The following VWA8 variants were observed in gnomAD, a reference collection of about 807,000 sequenced individuals.
VWA8 encodes the protein von Willebrand factor A domain containing 8.
VWA8 carries 221 observed loss-of-function variants against 241.5 expected under a neutral mutation model. The ratio of observed to expected loss-of-function variants is 0.91; its 90% CI spans 0.82 to 1.02. VWA8 has a LOEUF of 1.02. Among genes scored for constraint, VWA8 ranks in the 50% least tolerant of loss-of-function variants. The pLI, the probability that VWA8 is intolerant of heterozygous loss-of-function variation, is 0.00. For synonymous variants in VWA8, 852 were observed against 827.1 expected (o/e 1.03, Z -0.52); for missense variants, 2,322 against 2,328.7 (o/e 1.00, Z 0.06).
In VWA8 at chr13:41,570,708, T is replaced by G. The variant is rs1593620420; in HGVS notation, c.5371-2A>C. The G allele has an allele frequency of 6.8e-6, 11 of 1,608,598 alleles. No homozygotes were observed. Among genetic ancestry groups the G allele is most frequent in the Non-Finnish European group, 9.4e-6 (11 of 1,175,676 alleles). On this transcript the variant is annotated splice_acceptor_variant, in intron 43 of 44. Coordinates refer to ENST00000379310, the MANE Select transcript of VWA8 (RefSeq NM_015058.2). LOFTEE classifies it high-confidence loss of function. ...GAACTGAGAGTGGGCATGCATTGTC[T>G]GGAGGTAAAAGAAGTTGCACAAAAG...
intron 4 of VWA8, among the ~76,000 whole-genome samples, chr13:41,900,639 T>A (rs1875381756): frequency 6.6e-6 from 1 of 152,066 alleles, no homozygotes; most frequent in East Asian, 1.9e-4. Flanking sequence ...AATTAGAATA[T>A]CCTCAAGGGG....
intron 29 of VWA8, among the ~76,000 whole-genome samples, chr13:41,695,106 C>T (rs1415177905): frequency 4.6e-5 from 7 of 152,000 alleles, no homozygotes. Flanking sequence ...CTTTGGCACT[C>T]CTTTAAGGGG....
Position 41,568,125 on chromosome 13 carries a change from T to C in VWA8, c.*72A>G. On this transcript the variant is annotated 3_prime_UTR_variant, in exon 45 of 45. Transcript: ENST00000379310. Reference sequence around the variant, plus strand: ...ATGGGTTCACTTCATCCATATCTTCTTTTTTTCAGAATACTCTTTATTCCT... The same window carrying C: ...ATGGGTTCACTTCATCCATATCTTCCTTTTTTCAGAATACTCTTTATTCCT... 1 of 1,350,402 alleles carries C rather than the reference T, an allele frequency of 7.4e-7. No homozygotes were observed. The highest frequency in any genetic ancestry group is 1.2e-5 in the South Asian group (1 of 81,660). The allele number at this position is 1,350,402 out of a possible 1,614,324, so 83.7% of individuals were successfully genotyped here.
At chr13:41,686,771 C>T (rs1193790981) in intron 34 of VWA8, among the ~76,000 whole-genome samples, 5 of 152,090 alleles carry the variant, frequency 3.3e-5, no homozygotes, top group African/African-American at 1.2e-4. Context: ...CACCACTAAC[C>T]TTACTCCCTG....
intron 2 of VWA8, among the ~76,000 whole-genome samples, chr13:41,932,757 G>A (rs539937694): frequency 6.6e-6 from 1 of 151,716 alleles, no homozygotes; most frequent in East Asian, 1.9e-4. Context: ...AGCACTTGAT[G>A]ACATCCAACA....
At chr13:41,862,790 G>A (rs745398919) in intron 12 of VWA8, among the ~76,000 whole-genome samples, 1 of 152,170 alleles carries the variant, frequency 6.6e-6, no homozygotes, top group Non-Finnish European at 1.5e-5. Context: ...TATTGATGAG[G>A]TTGTGGAGAA....
chr13:41,887,206 T>C lies in VWA8; in HGVS notation c.807A>G (p.Leu269=), dbSNP rs1555348023. 1.2e-6 allele frequency: 2 copies of C among 1,611,750 alleles called. No homozygotes were observed. Among genetic ancestry groups the C allele is most frequent in the South Asian group, 1.1e-5 (1 of 90,506 alleles). The change falls in exon 6 of 45, where the codon TTA becomes TTG. Residue 269 remains leucine (L), a synonymous_variant. Transcript: ENST00000379310. ...SRFQARDIYY[L]PFKDQLKLLY... ...CCTTGGTCTTACTTACCTTGAAGGG[T>C]AAATAATAAATATCCCTGGCTTGAA...
chr13:41,908,877 A>G (rs1015143882), intron 3 of VWA8, among the ~76,000 whole-genome samples: 1 of 152,228 alleles, frequency 6.6e-6, no homozygotes, highest in Non-Finnish European at 1.5e-5. Context: ...AGTATAATGG[A>G]AAATGGGAAT....
intron 42 of VWA8, among the ~76,000 whole-genome samples, chr13:41,583,248 G>T (rs2044395049): frequency 6.6e-6 from 1 of 152,142 alleles, no homozygotes; most frequent in Non-Finnish European, 1.5e-5. Flanking sequence ...ATGATACAAA[G>T]TCCCATATGG....
chr13:41,575,003 GAACC>G (rs1476383679), intron 43 of VWA8, among the ~76,000 whole-genome samples: 1 of 152,172 alleles, frequency 6.6e-6, no homozygotes, highest in Non-Finnish European at 1.5e-5. Context: ...CAATGATATG[GAACC>G]AACCTAAGTG....
intron 37 of VWA8, among the ~76,000 whole-genome samples, chr13:41,639,744 C>T (rs1480681195): frequency 1.3e-5 from 2 of 152,024 alleles, no homozygotes; most frequent in African/African-American, 4.8e-5. Context: ...AAGAAGGGAA[C>T]GATAGACGAT....
rs1206133448 is a variant in VWA8, at chr13:41,719,592, C to T, written c.3115G>A (p.Glu1039Lys). 1 of 1,612,762 alleles carries T rather than the reference C, an allele frequency of 6.2e-7. No homozygotes were observed. The highest frequency in any genetic ancestry group is 2.2e-5 in the East Asian group (1 of 44,826). Reference sequence around the variant, plus strand: ...AGAAGAGTACTGAATTTGCCTTACTCCTTTGCCAGCTGCACACTGGTAGGC... The same window carrying T: ...AGAAGAGTACTGAATTTGCCTTACTTCTTTGCCAGCTGCACACTGGTAGGC... ...AKPTSVQLAK[E>K]LTLPEQTFMG... Residue 1039 changes from glutamate to lysine, a missense_variant and splice_region_variant, in exon 26 of 45, where the codon GAG becomes AAG. Coordinates refer to ENST00000379310, the MANE Select transcript of VWA8 (RefSeq NM_015058.2).
At chr13:41,594,960 G>A (rs960322500) in intron 40 of VWA8, among the ~76,000 whole-genome samples, 1 of 152,158 alleles carries the variant, frequency 6.6e-6, no homozygotes, top group Non-Finnish European at 1.5e-5. Flanking sequence ...CTAGAGGACT[G>A]CATGTCCCAG....
At position 41,860,159 on chromosome 13, in the gene VWA8, G is replaced by A. The variant is rs2138041783; in HGVS notation, c.1425+5577C>T. Among the ~76,000 whole-genome samples the A allele has an allele frequency of 2.0e-5, 3 of 152,168 alleles. No homozygotes were observed. The South Asian group carries it at 6.2e-4, about 32-fold the overall frequency. ...AAATTCACCTCCAAAACATATTACA[G>A]TTATTATATTTCTCTATCCCTTTCC... On this transcript the variant is annotated intron_variant, in intron 12 of 44. Transcript: ENST00000379310.
intron 9 of VWA8, among the ~76,000 whole-genome samples, chr13:41,872,565 TC>T (rs1278346031): frequency 6.6e-6 from 1 of 152,196 alleles, no homozygotes; most frequent in Admixed American, 6.5e-5. Flanking sequence ...AAATAGGGAA[TC>T]CTTTCCCCAT....
At chr13:41,710,011 A>G (rs2137836308) in intron 26 of VWA8, among the ~76,000 whole-genome samples, 1 of 152,216 alleles carries the variant, frequency 6.6e-6, no homozygotes, top group East Asian at 1.9e-4. Flanking sequence ...GCAGATAATG[A>G]GTCTTCGTCA....
chr13:41,598,935 G>A (rs1335116542), intron 40 of VWA8, among the ~76,000 whole-genome samples: 1 of 151,616 alleles, frequency 6.6e-6, no homozygotes, highest in Non-Finnish European at 1.5e-5. Flanking sequence ...TTGATCCATA[G>A]ACTTAGGCCT....
At chr13:41,655,298 A>G (rs1202420368) in intron 37 of VWA8, among the ~76,000 whole-genome samples, 1 of 152,138 alleles carries the variant, frequency 6.6e-6, no homozygotes, top group African/African-American at 2.4e-5. Context: ...CATGTTGGCC[A>G]GGCTGGTCTC....
chr13:41,721,380 T>C lies in VWA8; in HGVS notation c.2954A>G (p.Lys985Arg). The C allele has an allele frequency of 1.2e-6, 2 of 1,613,694 alleles. No individual in the cohort carries two copies. Among genetic ancestry groups the C allele is most frequent in the Non-Finnish European group, 1.7e-6 (2 of 1,179,740 alleles). The change falls in exon 25 of 45, where the codon AAA (lysine) becomes AGA (arginine). Residue 985 changes from lysine (K) to arginine (R), a missense_variant. Lys to Arg is a conservative substitution (Grantham distance 26). Transcript: ENST00000379310. ...YSTREVVNIV[K>R]HLQKFPTEGL... ...GTGTGCCATACCTACCTGTAAATGTTTGACTATGTTGACAACTTCTCTGGT... is the reference window on the plus strand; with the variant it reads ...GTGTGCCATACCTACCTGTAAATGTCTGACTATGTTGACAACTTCTCTGGT...
Sources: gnomAD v4.1 joint callset for allele counts (sites outside exome capture counted in the v4.1 genomes callset) on GRCh38, gnomAD v4.1.1 for gene constraint, MANE v1.5 for transcripts, NCBI Gene and HGNC (gene_info 2026-07-23, HGNC 2026-07-21) for gene names.